SHC4: variants seen among roughly 807,000 people sequenced by gnomAD.
The protein encoded by SHC4 is SHC adaptor protein 4.
A neutral mutation model predicts 69.4 loss-of-function variants in SHC4; 41 were observed. The observed-to-expected ratio is 0.59, with a 90% CI of 0.46 to 0.77. The LOEUF (loss-of-function observed/expected upper bound fraction) is 0.77, where lower values mean the gene tolerates loss of function less well. SHC4 is among the 30% of genes least tolerant of loss of function. The pLI, the probability that SHC4 is intolerant of heterozygous loss-of-function variation, is 0.00. For synonymous variants in SHC4, 318 were observed against 299.3 expected, an observed-to-expected ratio of 1.06 and a Z score of -0.64; for missense variants, 777 against 783.8, an observed-to-expected ratio of 0.99 and a Z score of 0.10.
At chr15:48,885,161 AC>A (rs1296660688) in intron 3 of SHC4, among the ~76,000 whole-genome samples, 21 of 152,178 alleles carry the variant, frequency 1.4e-4, no homozygotes, top group African/African-American at 4.3e-4. Flanking sequence ...AGCAGGGGGT[AC>A]CCAGGAATTA....
intron 1 of SHC4, among the ~76,000 whole-genome samples, chr15:48,945,068 T>C (rs561029884): frequency 6.6e-6 from 1 of 152,326 alleles, no homozygotes; most frequent in South Asian, 2.1e-4. Context: ...CCATTTACCC[T>C]TGCTTTCGAT....
intron 2 of SHC4, among the ~76,000 whole-genome samples, chr15:48,920,910 CT>C (rs36063586): frequency 0.39 from 59,136 of 150,898 alleles, 11,856 homozygotes; most frequent in East Asian, 0.53. Flanking sequence ...TATCGAGACT[CT>C]TGTCTCTATA....
chr15:48,833,675 A>C (rs1321016968), intron 11 of SHC4, among the ~76,000 whole-genome samples: 4 of 152,178 alleles, frequency 2.6e-5, no homozygotes, highest in African/African-American at 9.7e-5. Context: ...GTGAGACAGA[A>C]ACCAGTCCCT....
chr15:48,878,220 G>A, intron 4 of SHC4: 2 of 1,601,798 alleles, frequency 1.2e-6, no homozygotes, highest in Non-Finnish European at 1.7e-6. Flanking sequence ...GAAGAGAGCA[G>A]TGACCTGCAG....
intron 2 of SHC4, among the ~76,000 whole-genome samples, 186 bp from the exon 3 acceptor site, chr15:48,890,997 G>C (rs1900127041): frequency 6.6e-6 from 1 of 152,182 alleles, no homozygotes; most frequent in African/African-American, 2.4e-5. Context: ...GGAAAACCTA[G>C]CAGCACCCTA....
intron 4 of SHC4, chr15:48,877,650 A>G: frequency 1.3e-6 from 1 of 764,304 alleles, no homozygotes; most frequent in Non-Finnish European, 1.6e-6. Flanking sequence ...AAAAAAAAAA[A>G]AGTACAATAT....
At chr15:48,876,789 C>A (rs1435683731) in intron 4 of SHC4, 1 of 406,358 alleles carries the variant, frequency 2.5e-6, no homozygotes, top group African/African-American at 2.0e-5. Flanking sequence ...GTGGGTCTGC[C>A]TTTCGCAGCC....
At chr15:48,875,810 T>C (rs1203159398) in intron 4 of SHC4, among the ~76,000 whole-genome samples, 1 of 152,238 alleles carries the variant, frequency 6.6e-6, no homozygotes, top group East Asian at 1.9e-4. Flanking sequence ...CTTCTGAATG[T>C]GAGTCTATGC....
rs117166621 is a variant in SHC4 at position 48,918,035 on chromosome 15, G to A, written c.656+6844C>T. On this transcript the variant is annotated intron_variant, in intron 2 of 11. Transcript: ENST00000332408. ...GCCTCCAGTTGTTTGTATCTGTAGC[G>A]GTAATTACTTACACCAGTTTGTCAG... is the stretch of plus-strand genomic sequence containing the variant. Among the ~76,000 whole-genome samples, 328 of 152,162 alleles carry A rather than the reference G, an allele frequency of 2.2e-3. 4 individuals are homozygous for A. In the East Asian group the frequency reaches 0.044, roughly 21 times the overall value.
At chr15:48,876,563 T>C in intron 4 of SHC4, 1 of 690,436 alleles carries the variant, frequency 1.4e-6, no homozygotes, top group East Asian at 2.7e-5. Flanking sequence ...CACAAGGTCC[T>C]ACAATAGGCT....
intron 2 of SHC4, among the ~76,000 whole-genome samples, chr15:48,906,321 T>A (rs1900404384): frequency 6.6e-6 from 1 of 152,230 alleles, no homozygotes; most frequent in South Asian, 2.1e-4. Flanking sequence ...AGGGATAATT[T>A]AAATAGTCCA....
At chr15:48,879,917 A>G (rs1298959869) in intron 4 of SHC4, 1 of 167,118 alleles carries the variant, frequency 6.0e-6, no homozygotes, top group Non-Finnish European at 1.5e-5. Flanking sequence ...CTAATTCACA[A>G]ATTAATTTCT....
chr15:48,930,508 G>GA (rs1486768022), intron 1 of SHC4, among the ~76,000 whole-genome samples: 22 of 152,282 alleles, frequency 1.4e-4, no homozygotes, highest in African/African-American at 5.3e-4. Flanking sequence ...AGACAAGGAA[G>GA]AAAATCACTT....
At chr15:48,882,178 G>A (rs1200397801) in intron 4 of SHC4, among the ~76,000 whole-genome samples, 1 of 152,028 alleles carries the variant, frequency 6.6e-6, no homozygotes, top group Non-Finnish European at 1.5e-5. Context: ...AAACATTTTA[G>A]TTGCCTTTCT....
At chr15:48,915,347 T>G (rs1413512814) in intron 2 of SHC4, among the ~76,000 whole-genome samples, 1 of 152,256 alleles carries the variant, frequency 6.6e-6, no homozygotes, top group Non-Finnish European at 1.5e-5. Flanking sequence ...TTGGAATTTT[T>G]TTTTAAATGA....
intron 2 of SHC4, among the ~76,000 whole-genome samples, chr15:48,894,401 C>A (rs1180291131): frequency 3.9e-5 from 6 of 152,076 alleles, no homozygotes; most frequent in Non-Finnish European, 8.8e-5. Flanking sequence ...GAAAATAATG[C>A]AGAGTAAGTT....
At chr15:48,941,035 G>C (rs763740441) in intron 1 of SHC4, among the ~76,000 whole-genome samples, 5 of 152,154 alleles carry the variant, frequency 3.3e-5, no homozygotes, top group Non-Finnish European at 5.9e-5. Context: ...GCACACCAGG[G>C]CTCGAAGGGA....
chr15:48,962,979 C>A lies in SHC4; in HGVS notation c.37G>T (p.Val13Leu), dbSNP rs1444433728. 6.2e-7 allele frequency: 1 copy of A among 1,612,016 alleles called. No individual in the cohort carries two copies. Among genetic ancestry groups the A allele is most frequent in the Admixed American group, 1.7e-5 (1 of 59,954 alleles). Residue 13 changes from valine to leucine, a missense_variant, in exon 1 of 12, where the codon GTG becomes TTG. Coordinates refer to ENST00000332408, the MANE Select transcript of SHC4 (RefSeq NM_203349.4). ...TGCCCGAAGAGTCCTACATACAGCA[C>A]GAGTCCTGCCAGGCTGTCCTGGCCG... ...ERGQDSLAGL[V>L]LYVGLFGHPG...
At chr15:48,926,715 G>A (rs1900860552) in intron 1 of SHC4, among the ~76,000 whole-genome samples, 2 of 152,012 alleles carry the variant, frequency 1.3e-5, no homozygotes, top group African/African-American at 2.4e-5. Context: ...TGCCCACTTT[G>A]GCCTCCCAAA....
Sources: allele counts gnomAD v4.1 joint callset (sites outside exome capture counted in the v4.1 genomes callset), GRCh38; gene constraint gnomAD v4.1.1; transcripts MANE v1.5; gene names NCBI Gene and HGNC (gene_info 2026-07-23, HGNC 2026-07-21).